Variants in TMPRSS15 observed in about 807,000 individuals in gnomAD.
TMPRSS15 encodes the protein enteropeptidase.
TMPRSS15 carries 128 observed loss-of-function variants against 125.3 expected under a neutral mutation model. The observed-to-expected ratio is 1.02, with a 90% confidence interval of 0.89 to 1.18. TMPRSS15 has a LOEUF of 1.18. Among genes scored for constraint, TMPRSS15 ranks in the 50% most tolerant of loss-of-function variants. The probability of loss-of-function intolerance (pLI) is 0.00; values close to 1 mark genes in which losing one functional copy is unlikely to be tolerated. For synonymous variants in TMPRSS15, 446 were observed against 423.2 expected (o/e 1.05, Z -0.66); for missense variants, 1,283 against 1,212.7 (o/e 1.06, Z -0.86).
At chr21:18,470,216 C>T (rs1271477725) in intron 1 of TMPRSS15, among the ~76,000 whole-genome samples, 1 of 151,960 alleles carries the variant, frequency 6.6e-6, no homozygotes, top group Non-Finnish European at 1.5e-5. Flanking sequence ...CATCTCTCTC[C>T]AACTTTTCTT....
intron 8 of TMPRSS15, among the ~76,000 whole-genome samples, chr21:18,355,123 A>T (rs920445834): frequency 6.6e-6 from 1 of 151,948 alleles, no homozygotes; most frequent in Non-Finnish European, 1.5e-5. Context: ...GGCAGCATGC[A>T]TACCTGTGTA....
intron 19 of TMPRSS15, 147 bp from the exon 20 acceptor site, chr21:18,294,799 G>C (rs1261393773): frequency 1.4e-6 from 1 of 719,494 alleles, no homozygotes; most frequent in Non-Finnish European, 2.4e-6. Context: ...ATTGTAAGCC[G>C]AAGAAGCCCC....
intron 1 of TMPRSS15, among the ~76,000 whole-genome samples, chr21:18,454,386 G>T (rs1392932568): frequency 6.6e-6 from 1 of 151,978 alleles, no homozygotes; most frequent in African/African-American, 2.4e-5. Flanking sequence ...ATTAGTTAGG[G>T]TTCTGCAGAG....
intron 3 of TMPRSS15, among the ~76,000 whole-genome samples, chr21:18,387,198 AATG>A (rs2075951331): frequency 1.3e-5 from 2 of 152,160 alleles, no homozygotes; most frequent in African/African-American, 2.4e-5. Context: ...GTTGTTTAGT[AATG>A]AAATGAGAAT....
At chr21:18,294,938 G>A (rs73210244) in intron 19 of TMPRSS15, among the ~76,000 whole-genome samples, 11,150 of 152,156 alleles carry the variant, frequency 0.073, 509 homozygotes, top group Non-Finnish European at 0.1. Context: ...ATACTTTATT[G>A]GAGTGTTGTG....
At chr21:18,445,576 A>C (rs1439641563) in intron 1 of TMPRSS15, among the ~76,000 whole-genome samples, 1 of 152,184 alleles carries the variant, frequency 6.6e-6, no homozygotes, top group Admixed American at 6.5e-5. Flanking sequence ...AATACTAGCA[A>C]ACTGAGGGCA....
In TMPRSS15 at chr21:18,383,764, A is replaced by C. The variant is rs1187546929; in HGVS notation, c.359T>G (p.Ile120Arg). 1 of 1,613,530 alleles carries C rather than the reference A, an allele frequency of 6.2e-7. No individual in the cohort carries two copies. Among genetic ancestry groups the C allele is most frequent in the South Asian group, 1.1e-5 (1 of 90,968 alleles). ...GGCAAAGAAAAGGTCAAATACGACT[A>C]TAATGCTGCCATTTCTGCAAAGCAA... The part of the protein sequence containing the change: ...RVLQFENGSI[I>R]VVFDLFFAQW... The change falls in exon 4 of 25, where the codon ATA (isoleucine) becomes AGA (arginine). Residue 120 changes from isoleucine to arginine, a missense_variant. Ile to Arg is a moderately conservative substitution (Grantham distance 97, BLOSUM62 -3). Coordinates refer to ENST00000284885, the MANE Select transcript of TMPRSS15 (RefSeq NM_002772.3).
At chr21:18,350,870 A>G (rs2075561417) in intron 10 of TMPRSS15, among the ~76,000 whole-genome samples, 1 of 151,988 alleles carries the variant, frequency 6.6e-6, no homozygotes, top group Non-Finnish European at 1.5e-5. Flanking sequence ...GACTTGAATA[A>G]GGCCTGGAGC....
chr21:18,376,826 TG>T (rs1260652139), intron 5 of TMPRSS15, among the ~76,000 whole-genome samples: 13 of 152,168 alleles, frequency 8.5e-5, no homozygotes, highest in African/African-American at 3.1e-4. Flanking sequence ...CAAAAGCAGC[TG>T]AATGATAGAG....
intron 1 of TMPRSS15, among the ~76,000 whole-genome samples, chr21:18,399,185 C>T (rs1038736838): frequency 2.6e-5 from 4 of 151,956 alleles, no homozygotes; most frequent in African/African-American, 9.7e-5. Context: ...GTAGTTTCTT[C>T]TTTTCTGAGA....
rs138544495 is a variant in TMPRSS15 at position 18,297,784 on chromosome 21, T to C, written c.2211A>G (p.Pro737=). The C allele has an allele frequency of 6.2e-7, 1 of 1,613,734 alleles. No individual in the cohort carries two copies. The highest frequency in any genetic ancestry group is 8.5e-7 in the Non-Finnish European group (1 of 1,179,812). The change falls in exon 19 of 25, where the codon CCA becomes CCG. Residue 737 remains proline (P), a synonymous_variant. Transcript: ENST00000284885. ...CAGGTGCTGTGTTTAATTTGACAAA[T>C]GGTCCACCATCGGTAGGGAAGATTG... The part of the protein sequence containing the change: ...SKPIFPTDGG[P]FVKLNTAPDG...
At chr21:18,396,792 A>AAATCTGTCAG (rs1408156983) in intron 3 of TMPRSS15, among the ~76,000 whole-genome samples, 1 of 112,792 alleles carries the variant, frequency 8.9e-6, no homozygotes, top group African/African-American at 3.4e-5. Flanking sequence ...AAAAAAAAAA[A>AAATCTGTCAG]TCTGTCTGTC....
chr21:18,314,501 C>T (rs896782677), intron 17 of TMPRSS15, among the ~76,000 whole-genome samples: 1 of 152,130 alleles, frequency 6.6e-6, no homozygotes, highest in South Asian at 2.1e-4. Flanking sequence ...TGGTCATGAA[C>T]TCCTGACCTC....
At chr21:18,307,693 A>T (rs965215304) in intron 18 of TMPRSS15, among the ~76,000 whole-genome samples, 8 of 152,162 alleles carry the variant, frequency 5.3e-5, no homozygotes, top group Non-Finnish European at 1.0e-4. Context: ...ATACTGTTAA[A>T]ATGTAATAAA....
rs997632208 is a variant in TMPRSS15, at chr21:18,269,769, A to T, written c.*200T>A. On this transcript the variant is annotated 3_prime_UTR_variant, in exon 25 of 25. Transcript: ENST00000284885. ...ATACAAATGTATTTAATGGTATTTT[A>T]AAGTTATTCTGTATTGCTATGGTGA... The T allele has an allele frequency of 3.4e-5, 19 of 554,542 alleles. No individual in the cohort carries two copies. Among genetic ancestry groups the T allele is most frequent in the African/African-American group, 2.6e-4 (14 of 53,010 alleles). 34.4% of individuals were successfully genotyped at this position (554,542 alleles called of 1,614,324 possible).
chr21:18,312,361 G>T (rs1050096536), intron 18 of TMPRSS15, among the ~76,000 whole-genome samples: 2 of 151,210 alleles, frequency 1.3e-5, no homozygotes, highest in Non-Finnish European at 3.0e-5. Context: ...GTTATTAATT[G>T]GAATTTTTAC....
chr21:18,300,228 C>G (rs558623283), intron 18 of TMPRSS15, among the ~76,000 whole-genome samples: 1 of 146,080 alleles, frequency 6.8e-6, no homozygotes, highest in Admixed American at 6.9e-5. Flanking sequence ...CTCTCTTTTT[C>G]TTTCTTTCTT....
At chr21:18,279,349 G>A (rs1323946743) in intron 22 of TMPRSS15, among the ~76,000 whole-genome samples, 4 of 99,960 alleles carry the variant, frequency 4.0e-5, no homozygotes, top group East Asian at 3.0e-4. Flanking sequence ...TTTTTGAGAC[G>A]GAGTCTCACT....
chr21:18,362,290 G>A (rs192413381), intron 7 of TMPRSS15, among the ~76,000 whole-genome samples: 1 of 152,270 alleles, frequency 6.6e-6, no homozygotes, highest in East Asian at 1.9e-4. Context: ...GAAGAAAGAG[G>A]CAGACTTGAG....
Sources: allele counts gnomAD v4.1 joint callset (sites outside exome capture counted in the v4.1 genomes callset), GRCh38; gene constraint gnomAD v4.1.1; transcripts MANE v1.5; gene names NCBI Gene and HGNC (gene_info 2026-07-23, HGNC 2026-07-21).